LRFN2: variants seen among roughly 807,000 people sequenced by gnomAD.
The protein encoded by LRFN2 is leucine-rich repeat and fibronectin type-III domain-containing protein 2.
LRFN2 carries 18 observed loss-of-function variants against 37.3 expected under a neutral mutation model. The observed-to-expected ratio is 0.48, with a 90% CI of 0.33 to 0.72. The LOEUF is 0.72. Ranked by LOEUF, LRFN2 falls within the 30% of genes least tolerant of loss-of-function variation. LRFN2 has a pLI of 0.02. For synonymous variants in LRFN2, 556 were observed against 466.6 expected, an observed-to-expected ratio of 1.19 and a Z score of -2.47; for missense variants, 1,006 against 1,060.7, an observed-to-expected ratio of 0.95 and a Z score of 0.72.
intron 1 of LRFN2, among the ~76,000 whole-genome samples, chr6:40,497,348 C>T (rs914288949): frequency 2.0e-5 from 3 of 152,136 alleles, no homozygotes; most frequent in African/African-American, 7.2e-5. Flanking sequence ...CTGTTGCCCT[C>T]ATAAATTCCT....
At chr6:40,405,510 G>A (rs750413265) in intron 2 of LRFN2, among the ~76,000 whole-genome samples, 71 of 152,242 alleles carry the variant, frequency 4.7e-4, no homozygotes, top group African/African-American at 1.7e-3. Flanking sequence ...AGTAAGCCCC[G>A]CATGAGGGTC....
intron 1 of LRFN2, among the ~76,000 whole-genome samples, chr6:40,471,584 C>A (rs888801657): frequency 2.0e-5 from 3 of 152,180 alleles, no homozygotes; most frequent in African/African-American, 4.8e-5. Flanking sequence ...GGGTGGCTCA[C>A]TGCAGCCACC....
At chr6:40,435,890 T>A (rs1052869084) in intron 1 of LRFN2, among the ~76,000 whole-genome samples, 1 of 152,172 alleles carries the variant, frequency 6.6e-6, no homozygotes, top group African/African-American at 2.4e-5. Context: ...ATTCCATTAT[T>A]GCGCCTCTTT....
intron 1 of LRFN2, chr6:40,501,820 G>A (rs1765389299): frequency 6.6e-6 from 1 of 152,134 alleles, no homozygotes; most frequent in Non-Finnish European, 1.5e-5. Context: ...GGGTGCAAAA[G>A]CCCTCATGGA....
At chr6:40,565,120 C>G (rs1767065377) in intron 1 of LRFN2, among the ~76,000 whole-genome samples, 1 of 152,192 alleles carries the variant, frequency 6.6e-6, no homozygotes. Flanking sequence ...GACCATCTAG[C>G]AGAGGACGTA....
chr6:40,556,410 A>C (rs185781785), intron 1 of LRFN2, among the ~76,000 whole-genome samples: 1 of 152,274 alleles, frequency 6.6e-6, no homozygotes, highest in Non-Finnish European at 1.5e-5. Context: ...CAGAGCAGTG[A>C]GGATAAGGGG....
chr6:40,458,652 C>T (rs1056326458), intron 1 of LRFN2, among the ~76,000 whole-genome samples: 1 of 152,230 alleles, frequency 6.6e-6, no homozygotes, highest in East Asian at 1.9e-4. Flanking sequence ...ACCAGACTCT[C>T]CTAGAATGGC....
At position 40,497,782 on chromosome 6, in the gene LRFN2, C is replaced by T. The variant is rs1416484017; in HGVS notation, c.-18-64651G>A. Among the ~76,000 whole-genome samples, 4 of 152,124 alleles carry T rather than the reference C, an allele frequency of 2.6e-5. No homozygotes were observed. In the South Asian group the frequency reaches 6.2e-4, roughly 24 times the overall value. On this transcript the variant is annotated intron_variant, in intron 1 of 2. Coordinates refer to ENST00000338305, the MANE Select transcript of LRFN2 (RefSeq NM_020737.3). ...TGTCTTCCCCAGGATTGATGCATGG[C>T]CTTTGCAGAGAGGGCCTTGGGCTCC...
chr6:40,434,390 T>A (rs1763591521), intron 1 of LRFN2, among the ~76,000 whole-genome samples: 1 of 152,242 alleles, frequency 6.6e-6, no homozygotes, highest in South Asian at 2.1e-4. Context: ...AGCAAAATGA[T>A]AGCCAGTTGA....
intron 1 of LRFN2, among the ~76,000 whole-genome samples, chr6:40,551,757 C>T (rs111871088): frequency 1.8e-4 from 27 of 152,274 alleles, no homozygotes; most frequent in African/African-American, 6.0e-4. Flanking sequence ...AACCTAGCAA[C>T]GCACAGTGAT....
chr6:40,581,584 G>A (rs1361023406), intron 1 of LRFN2, among the ~76,000 whole-genome samples: 1 of 152,154 alleles, frequency 6.6e-6, no homozygotes, highest in Non-Finnish European at 1.5e-5. Flanking sequence ...GTATTATAGT[G>A]ACTTCATTAC....
intron 1 of LRFN2, among the ~76,000 whole-genome samples, chr6:40,455,431 T>C (rs1367322073): frequency 6.6e-6 from 1 of 152,192 alleles, no homozygotes; most frequent in Non-Finnish European, 1.5e-5. Flanking sequence ...CCTTGTGGCA[T>C]GAGATCTGGC....
rs556523372 is a variant in LRFN2, at chr6:40,444,262, G to A, written c.-18-11131C>T. Among the ~76,000 whole-genome samples the A allele has an allele frequency of 5.9e-5, 9 of 152,292 alleles. No homozygotes were observed. The South Asian group carries it at 1.2e-3, about 21-fold the overall frequency. ...GCACTTGGAAGTATAGGAAAACGAA[G>A]AAGGGAAAGAAGGGGGAAAAGGAGA... On this transcript the variant is annotated intron_variant, in intron 1 of 2. Transcript: ENST00000338305.
chr6:40,460,218 A>T lies in LRFN2; in HGVS notation c.-18-27087T>A, dbSNP rs143492011. On this transcript the variant is annotated intron_variant, in intron 1 of 2. Coordinates refer to ENST00000338305, the MANE Select transcript of LRFN2 (RefSeq NM_020737.3). ...GTTAGTCAACCGAGACAGTGAAACT[A>T]CTCTGTCAATTAAGTCAAACATCTG... 1.6e-3 allele frequency among the ~76,000 whole-genome samples: 242 copies of T among 152,280 alleles called. 1 individual carries two copies. Among genetic ancestry groups the T allele is most frequent in the African/African-American group, 5.7e-3 (237 of 41,560 alleles).
intron 2 of LRFN2, among the ~76,000 whole-genome samples, chr6:40,396,541 T>A (rs1303077761): frequency 2.0e-5 from 3 of 152,130 alleles, no homozygotes; most frequent in Admixed American, 2.0e-4. Flanking sequence ...CAAGGCTGAT[T>A]CTTGGCGGGC....
rs542356554 is a variant in LRFN2 at position 40,567,516 on chromosome 6, T to C, written c.-19+19425A>G. On this transcript the variant is annotated intron_variant, in intron 1 of 2. Coordinates refer to ENST00000338305, the MANE Select transcript of LRFN2 (RefSeq NM_020737.3). ...AAAACACGTGATTACAAAGCTGTCTTGATCCTTGACTTCCTCTCTGTGTCC... is the reference window on the plus strand; with the variant it reads ...AAAACACGTGATTACAAAGCTGTCTCGATCCTTGACTTCCTCTCTGTGTCC... Among the ~76,000 whole-genome samples, 54 of 152,296 alleles carry C rather than the reference T, an allele frequency of 3.5e-4. 1 individual carries two copies. Among genetic ancestry groups the C allele is most frequent in the Admixed American group, 3.0e-3 (46 of 15,306 alleles).
intron 1 of LRFN2, among the ~76,000 whole-genome samples, chr6:40,483,840 G>A (rs73732684): frequency 0.012 from 1,751 of 152,232 alleles, 31 homozygotes; most frequent in African/African-American, 0.04. Flanking sequence ...TCCCCCTGAG[G>A]AGCATCTGAA....
intron 1 of LRFN2, among the ~76,000 whole-genome samples, chr6:40,457,377 A>G (rs942040695): frequency 1.8e-4 from 28 of 152,174 alleles, no homozygotes; most frequent in Middle Eastern, 3.4e-3. Context: ...TTTCTCCCCC[A>G]AAATAGCTAT....
intron 1 of LRFN2, among the ~76,000 whole-genome samples, chr6:40,439,951 C>T (rs972435532): frequency 6.6e-6 from 1 of 152,066 alleles, no homozygotes; most frequent in African/African-American, 2.4e-5. Context: ...CCTGAGTGAG[C>T]CTCCTGCTCT....
Sources: gnomAD v4.1 joint callset for allele counts (sites outside exome capture counted in the v4.1 genomes callset) on GRCh38, gnomAD v4.1.1 for gene constraint, MANE v1.5 for transcripts, NCBI Gene and HGNC (gene_info 2026-07-23, HGNC 2026-07-21) for gene names.